GABRA1: variants seen among roughly 807,000 people sequenced by gnomAD.
GABRA1 encodes the protein gamma-aminobutyric acid receptor subunit alpha-1.
A neutral mutation model predicts 48.9 loss-of-function variants in GABRA1; 9 were observed. The ratio of observed to expected loss-of-function variants is 0.18; its 90% CI spans 0.11 to 0.32. GABRA1 has a LOEUF of 0.32. Ranked by LOEUF, GABRA1 falls within the 10% of genes least tolerant of loss-of-function variation. The pLI is 1.00. For missense variants in GABRA1, 285 were observed against 553.8 expected (o/e 0.51, Z 4.87); for synonymous variants, 210 against 198.7 (o/e 1.06, Z -0.48).
chr5:161,879,239 G>C (rs909769626), intron 6 of GABRA1, among the ~76,000 whole-genome samples: 1 of 152,126 alleles, frequency 6.6e-6, no homozygotes, highest in Admixed American at 6.5e-5. Flanking sequence ...CTCCTGAGTA[G>C]CTGGGACTAC....
intron 4 of GABRA1, among the ~76,000 whole-genome samples, chr5:161,869,132 G>A (rs915300391): frequency 6.6e-6 from 1 of 152,080 alleles, no homozygotes; most frequent in African/African-American, 2.4e-5. Context: ...TGATTTAGAA[G>A]CAATCAAAAT....
At chr5:161,861,917 A>T (rs546260847) in intron 3 of GABRA1, among the ~76,000 whole-genome samples, 14 of 152,032 alleles carry the variant, frequency 9.2e-5, no homozygotes, top group African/African-American at 3.4e-4. Flanking sequence ...GACACAAAAT[A>T]GCTTAAATAA....
At chr5:161,863,618 G>T (rs143496815) in intron 3 of GABRA1, among the ~76,000 whole-genome samples, 50 of 152,080 alleles carry the variant, frequency 3.3e-4, no homozygotes, top group African/African-American at 1.1e-3. Context: ...GGGAATTAAA[G>T]GTGCACATGA....
At chr5:161,892,849 A>G (rs1224667756) in intron 8 of GABRA1, among the ~76,000 whole-genome samples, 1 of 151,708 alleles carries the variant, frequency 6.6e-6, no homozygotes, top group African/African-American at 2.4e-5. Flanking sequence ...CTAAAAATAC[A>G]AAAAATTAGC....
intron 7 of GABRA1, among the ~76,000 whole-genome samples, chr5:161,886,257 T>C (rs186657488): frequency 6.6e-6 from 1 of 151,990 alleles, no homozygotes; most frequent in Admixed American, 6.6e-5. Flanking sequence ...TTGCTAAGAG[T>C]ATGAACCCTG....
intron 1 of GABRA1, chr5:161,849,055 T>A (rs774105147): frequency 4.5e-6 from 2 of 443,062 alleles, no homozygotes; most frequent in South Asian, 3.1e-5. Context: ...GGAGCGTGTG[T>A]CTGGGGGAGG....
At position 161,882,675 on chromosome 5, in the gene GABRA1, A is replaced by G. The variant is rs748783999; in HGVS notation, c.677A>G (p.Asp226Gly). 4 of 1,613,500 alleles carry G rather than the reference A, an allele frequency of 2.5e-6. No individual in the cohort carries two copies. Among genetic ancestry groups the G allele is most frequent in the Non-Finnish European group, 3.4e-6 (4 of 1,179,702 alleles). Reference protein sequence around the residue: ...NQYDLLGQTVDSGIVQSSTGE... With the variant: ...NQYDLLGQTVGSGIVQSSTGE... ...TATGACCTTCTTGGACAAACAGTAG[A>G]CTCTGGAATTGTCCAGTCAAGTACA... Residue 226 changes from aspartate to glycine, a missense_variant, in exon 7 of 10, where the codon GAC becomes GGC. Physicochemically the swap from Asp to Gly is moderately conservative, Grantham distance 94. Transcript: ENST00000393943.
chr5:161,862,046 G>T (rs558616931), intron 3 of GABRA1, among the ~76,000 whole-genome samples: 1 of 151,796 alleles, frequency 6.6e-6, no homozygotes, highest in African/African-American at 2.4e-5. Flanking sequence ...GTTGTGATAG[G>T]ATTACTAACA....
chr5:161,868,777 T>C (rs1305697673), intron 4 of GABRA1, among the ~76,000 whole-genome samples: 1 of 152,194 alleles, frequency 6.6e-6, no homozygotes, highest in Non-Finnish European at 1.5e-5. Context: ...CTTTGAGTTA[T>C]TGCTTCAGAT....
At chr5:161,893,832 A>G (rs1174190977) in intron 8 of GABRA1, among the ~76,000 whole-genome samples, 1 of 152,202 alleles carries the variant, frequency 6.6e-6, no homozygotes, top group East Asian at 1.9e-4. Context: ...TAAAAAAAAT[A>G]TACATTGTCA....
intron 3 of GABRA1, 138 bp from the exon 4 acceptor site, chr5:161,865,583 C>T (rs1753797910): frequency 2.7e-6 from 2 of 737,090 alleles, no homozygotes; most frequent in East Asian, 2.5e-5. Context: ...AGTAAATTAT[C>T]AGGACTACAC....
chr5:161,854,330 C>A, intron 3 of GABRA1, 60 bp downstream of exon 3: 2 of 847,892 alleles, frequency 2.4e-6, no homozygotes, highest in African/African-American at 1.7e-5. Flanking sequence ...ACTATCACAG[C>A]CTTAATTTAC....
intron 6 of GABRA1, among the ~76,000 whole-genome samples, chr5:161,881,233 C>G (rs1754599968): frequency 6.6e-6 from 1 of 152,090 alleles, no homozygotes; most frequent in Admixed American, 6.6e-5. Context: ...AAACAGCTTG[C>G]TTTTTCTAAA....
intron 6 of GABRA1, among the ~76,000 whole-genome samples, chr5:161,879,354 T>A (rs1754508915): frequency 6.6e-6 from 1 of 152,204 alleles, no homozygotes; most frequent in African/African-American, 2.4e-5. Flanking sequence ...TCTATAGATC[T>A]GCCCATGTTG....
intron 1 of GABRA1, chr5:161,850,528 T>A (rs1757399447): frequency 3.7e-6 from 2 of 539,436 alleles, no homozygotes; most frequent in South Asian, 5.9e-5. Context: ...ACAGTTTTTA[T>A]GTTGAGCAAT....
intron 3 of GABRA1, among the ~76,000 whole-genome samples, chr5:161,856,612 G>A (rs1757654568): frequency 6.6e-6 from 1 of 150,756 alleles, no homozygotes; most frequent in Non-Finnish European, 1.5e-5. Flanking sequence ...TTGGAATTTA[G>A]TACACTTAAA....
At chr5:161,849,018 T>C in intron 1 of GABRA1, 1 of 455,110 alleles carries the variant, frequency 2.2e-6, no homozygotes, top group Non-Finnish European at 4.4e-6. Flanking sequence ...TAGTCTTTGA[T>C]ATGGATGGCA....
At chr5:161,870,946 CTGTGTGTGTGTGTG>C (rs59726286) in intron 4 of GABRA1, among the ~76,000 whole-genome samples, 84 of 141,508 alleles carry the variant, frequency 5.9e-4, no homozygotes, top group African/African-American at 1.3e-3. Context: ...GAGTGTTGCT[CTGTGTGTGTGTGTG>C]TGTGTGTGTG....
chr5:161,890,881 T>G lies in GABRA1; in HGVS notation c.704-17T>G, dbSNP rs115043829. The G allele has an allele frequency of 1.9e-5, 31 of 1,611,970 alleles. No homozygotes were observed. In the African/African-American group the frequency reaches 3.9e-4, roughly 20 times the overall value. On this transcript the variant is annotated splice_polypyrimidine_tract_variant and intron_variant, in intron 7 of 9. Transcript: ENST00000393943. ...AAAGTCAAATTGCTCATCTTTCTTGTGTGTTTTACTTCTCAGGAGAATATG... is the reference window on the plus strand; with the variant it reads ...AAAGTCAAATTGCTCATCTTTCTTGGGTGTTTTACTTCTCAGGAGAATATG...
Sources: allele counts gnomAD v4.1 joint callset (sites outside exome capture counted in the v4.1 genomes callset), GRCh38; gene constraint gnomAD v4.1.1; transcripts MANE v1.5; gene names NCBI Gene and HGNC (gene_info 2026-07-23, HGNC 2026-07-21).